FAT3: variants seen among roughly 807,000 people sequenced by gnomAD.
FAT3 encodes protocadherin Fat 3.
FAT3 carries 95 observed loss-of-function variants against 310.2 expected under a neutral mutation model. That is an observed-to-expected ratio of 0.31 (90% CI 0.26 to 0.36). FAT3 has a LOEUF of 0.36. Ranked by LOEUF, FAT3 falls within the 10% of genes least tolerant of loss-of-function variation. FAT3 has a pLI of 1.00. For missense variants in FAT3, 5,408 were observed against 5,715.6 expected (o/e 0.95, Z 1.74); for synonymous variants, 2,314 against 2,192.9 (o/e 1.06, Z -1.54).
chr11:92,442,692 G>T (rs1421738785), intron 2 of FAT3, among the ~76,000 whole-genome samples: 3 of 152,018 alleles, frequency 2.0e-5, no homozygotes, highest in East Asian at 1.9e-4. Context: ...AATTGAATGT[G>T]CTTTAATGTG....
intron 4 of FAT3, among the ~76,000 whole-genome samples, chr11:92,697,722 A>G (rs140155860): frequency 1.2e-4 from 18 of 152,316 alleles, no homozygotes; most frequent in African/African-American, 4.1e-4. Context: ...CGTGTCAATA[A>G]TCAGAAAAGA....
At chr11:92,454,061 A>G (rs1951433320) in intron 2 of FAT3, among the ~76,000 whole-genome samples, 2 of 152,236 alleles carry the variant, frequency 1.3e-5, no homozygotes, top group Admixed American at 6.5e-5. Flanking sequence ...TTAACTCCCT[A>G]TATCCAAATA....
chr11:92,256,202 A>T (rs2134291203), intron 1 of FAT3, among the ~76,000 whole-genome samples: 1 of 152,234 alleles, frequency 6.6e-6, no homozygotes, highest in East Asian at 1.9e-4. Flanking sequence ...TGGCACAGTA[A>T]ATAGGTCCTT....
At chr11:92,484,719 G>A (rs1189268131) in intron 2 of FAT3, among the ~76,000 whole-genome samples, 3 of 152,178 alleles carry the variant, frequency 2.0e-5, no homozygotes, top group African/African-American at 7.2e-5. Context: ...AGTCACTCTT[G>A]CTTTCTCTCC....
intron 4 of FAT3, among the ~76,000 whole-genome samples, chr11:92,703,669 G>A (rs897234032): frequency 1.3e-5 from 2 of 152,102 alleles, no homozygotes; most frequent in African/African-American, 2.4e-5. Context: ...TATCAACCTC[G>A]ATAGTTAATA....
intron 5 of FAT3, among the ~76,000 whole-genome samples, chr11:92,763,408 A>G (rs1418504704): frequency 6.6e-6 from 1 of 152,142 alleles, no homozygotes; most frequent in Non-Finnish European, 1.5e-5. Flanking sequence ...CATTGCAGCT[A>G]TGTGAGACTT....
At chr11:92,359,479 CT>C (rs904403837) in intron 2 of FAT3, among the ~76,000 whole-genome samples, 6 of 151,336 alleles carry the variant, frequency 4.0e-5, no homozygotes, top group South Asian at 2.1e-4. Context: ...TCTTGACTTT[CT>C]TTTTTTTTAT....
At chr11:92,596,203 G>A (rs1040053646) in intron 3 of FAT3, among the ~76,000 whole-genome samples, 1 of 152,076 alleles carries the variant, frequency 6.6e-6, no homozygotes, top group African/African-American at 2.4e-5. Flanking sequence ...CCATTTTTGA[G>A]GGCTTCACCA....
At chr11:92,570,870 A>C (rs148657037) in intron 3 of FAT3, among the ~76,000 whole-genome samples, 107 of 152,266 alleles carry the variant, frequency 7.0e-4, no homozygotes, top group African/African-American at 2.5e-3. Context: ...TTCAGTGTCA[A>C]AGTGTGGAAG....
intron 2 of FAT3, among the ~76,000 whole-genome samples, chr11:92,411,464 A>G (rs953672142): frequency 6.6e-6 from 1 of 152,078 alleles, no homozygotes; most frequent in Non-Finnish European, 1.5e-5. Context: ...AAGTGTGTCT[A>G]CATACCCACC....
At chr11:92,282,194 T>G (rs1193567620) in intron 1 of FAT3, among the ~76,000 whole-genome samples, 2 of 152,166 alleles carry the variant, frequency 1.3e-5, no homozygotes, top group East Asian at 3.9e-4. Flanking sequence ...TTAAGGTCTG[T>G]TTCAAATGCC....
intron 15 of FAT3, among the ~76,000 whole-genome samples, chr11:92,835,744 A>G (rs1948389702): frequency 1.3e-5 from 2 of 152,186 alleles, no homozygotes; most frequent in Non-Finnish European, 2.9e-5. Flanking sequence ...ACACACACAG[A>G]CACACAGAGT....
intron 3 of FAT3, among the ~76,000 whole-genome samples, chr11:92,656,607 GGTT>G (rs1942591653): frequency 6.6e-6 from 1 of 152,070 alleles, no homozygotes. Context: ...CCCAGTAATG[GGTT>G]GTTAAGTTTA....
At chr11:92,731,299 T>A (rs1011795983) in intron 4 of FAT3, among the ~76,000 whole-genome samples, 3 of 152,154 alleles carry the variant, frequency 2.0e-5, no homozygotes, top group African/African-American at 4.8e-5. Flanking sequence ...TGGAGACAGT[T>A]TTTGGTTGTC....
chr11:92,664,683 T>C (rs1190210483), intron 3 of FAT3, among the ~76,000 whole-genome samples: 7 of 152,202 alleles, frequency 4.6e-5, no homozygotes, highest in Non-Finnish European at 5.9e-5. Context: ...AAAGAGATCA[T>C]GAACTAGGTA....
In FAT3 at chr11:92,799,607, C is replaced by A; in HGVS notation, c.6594C>A (p.Asp2198Glu). 1 of 1,613,792 alleles carries A rather than the reference C, an allele frequency of 6.2e-7. No individual in the cohort carries two copies. Among genetic ancestry groups the A allele is most frequent in the Non-Finnish European group, 8.5e-7 (1 of 1,179,820 alleles). The change falls in exon 10 of 28, where the codon GAC (aspartate) becomes GAA (glutamate). Residue 2198 changes from aspartate (D) to glutamate (E), a missense_variant. Transcript: ENST00000525166. ...KPFYTASVNE[D>E]IRMNTPILSI... ...TTTATACAGCATCTGTCAATGAAGA[C>A]ATCAGAATGAACACACCCATCCTAA...
At chr11:92,525,471 CTGGTCTTT>C (rs1953830871) in intron 3 of FAT3, among the ~76,000 whole-genome samples, 1 of 152,166 alleles carries the variant, frequency 6.6e-6, no homozygotes, top group Admixed American at 6.5e-5. Flanking sequence ...CTTCAATTTT[CTGGTCTTT>C]TGCTCAAAAC....
At chr11:92,606,075 G>A (rs1036577997) in intron 3 of FAT3, among the ~76,000 whole-genome samples, 3 of 152,156 alleles carry the variant, frequency 2.0e-5, no homozygotes, top group African/African-American at 7.2e-5. Context: ...TCATTAGACA[G>A]AGTGTCAACA....
chr11:92,851,662 A>T (rs1322586452), intron 19 of FAT3, among the ~76,000 whole-genome samples: 1 of 152,160 alleles, frequency 6.6e-6, no homozygotes, highest in Admixed American at 6.5e-5. Context: ...AGTTGGTTTG[A>T]TGAAGTGGGA....
Sources: gnomAD v4.1 joint callset for allele counts (sites outside exome capture counted in the v4.1 genomes callset) on GRCh38, gnomAD v4.1.1 for gene constraint, MANE v1.5 for transcripts, NCBI Gene and HGNC (gene_info 2026-07-23, HGNC 2026-07-21) for gene names.